FAR2: variants seen among roughly 807,000 people sequenced by gnomAD.
The protein encoded by FAR2 is epididymis secretory protein Li 81.
FAR2 carries 19 observed loss-of-function variants against 56.0 expected under a neutral mutation model. The observed-to-expected ratio is 0.34, with a 90% CI of 0.24 to 0.50. The LOEUF (loss-of-function observed/expected upper bound fraction) is 0.50. Among genes scored for constraint, FAR2 ranks in the 20% least tolerant of loss-of-function variants. The pLI is 0.98. For synonymous variants in FAR2, 219 were observed against 218.8 expected, an observed-to-expected ratio of 1.00 and a Z score of -0.01; for missense variants, 508 against 642.2, an observed-to-expected ratio of 0.79 and a Z score of 2.26.
chr12:29,223,404 C>A (rs1199257126), intron 1 of FAR2, among the ~76,000 whole-genome samples: 1 of 152,194 alleles, frequency 6.6e-6, no homozygotes, highest in Non-Finnish European at 1.5e-5. Flanking sequence ...TCATATTCTT[C>A]ATCTTCAGCA....
At chr12:29,326,041 T>C (rs1443099279) in intron 10 of FAR2, among the ~76,000 whole-genome samples, 4 of 151,914 alleles carry the variant, frequency 2.6e-5, no homozygotes, top group East Asian at 1.9e-4. Flanking sequence ...AAGAATCAAA[T>C]AGACGCAATA....
intron 1 of FAR2, among the ~76,000 whole-genome samples, chr12:29,239,935 A>C (rs192261463): frequency 1.4e-4 from 21 of 152,278 alleles, no homozygotes; most frequent in Admixed American, 1.2e-3. Context: ...CCCCTATATT[A>C]GTCCTTTTCA....
At chr12:29,240,141 A>T (rs1948003985) in intron 1 of FAR2, among the ~76,000 whole-genome samples, 1 of 152,204 alleles carries the variant, frequency 6.6e-6, no homozygotes, top group Non-Finnish European at 1.5e-5. Context: ...GGCTCATAAG[A>T]TTCACTTACC....
chr12:29,241,394 ATCT>A (rs761446415), intron 1 of FAR2, among the ~76,000 whole-genome samples: 5 of 151,878 alleles, frequency 3.3e-5, no homozygotes, highest in Non-Finnish European at 5.9e-5. Flanking sequence ...ATTTAGATTG[ATCT>A]TCTTTATTTA....
intron 1 of FAR2, among the ~76,000 whole-genome samples, chr12:29,159,113 A>G (rs1228042830): frequency 6.6e-6 from 1 of 152,130 alleles, no homozygotes; most frequent in Non-Finnish European, 1.5e-5. Context: ...AGTTTGTGCA[A>G]TTTTTCAGTA....
At chr12:29,198,719 A>G (rs1217030158) in intron 1 of FAR2, among the ~76,000 whole-genome samples, 1 of 152,128 alleles carries the variant, frequency 6.6e-6, no homozygotes, top group Non-Finnish European at 1.5e-5. Flanking sequence ...TCAACTCTAT[A>G]TTTCTACCTA....
At chr12:29,260,140 G>T (rs1220518070) in intron 1 of FAR2, among the ~76,000 whole-genome samples, 2 of 152,126 alleles carry the variant, frequency 1.3e-5, no homozygotes, top group Non-Finnish European at 2.9e-5. Context: ...TAACAAAGTT[G>T]TAACATATGA....
intron 4 of FAR2, among the ~76,000 whole-genome samples, chr12:29,303,616 C>T (rs1488828896): frequency 5.3e-5 from 8 of 152,174 alleles, no homozygotes; most frequent in Non-Finnish European, 1.0e-4. Context: ...GCCCTTATCA[C>T]AGTCCTCTGG....
Position 29,194,431 on chromosome 12 carries a change from A to C in FAR2, c.-39+45024A>C, listed in dbSNP as rs183131106. ...CTGCATTCCATGAGACCCACTTTCT[A>C]AGATCATGTTGACTGGGTATTGTGG... On this transcript the variant is annotated intron_variant, in intron 1 of 11. Transcript: ENST00000536681. Among the ~76,000 whole-genome samples, 48 of 151,806 alleles carry C rather than the reference A, an allele frequency of 3.2e-4. No homozygotes were observed. The East Asian group carries it at 8.9e-3, about 28-fold the overall frequency.
At chr12:29,256,820 GCAGTGC>G (rs1948326254) in intron 1 of FAR2, among the ~76,000 whole-genome samples, 1 of 152,238 alleles carries the variant, frequency 6.6e-6, no homozygotes, top group South Asian at 2.1e-4. Context: ...GGGTCCCCCA[GCAGTGC>G]CAGCCCAACG....
In FAR2 at chr12:29,175,444, G is replaced by T. The variant is rs181343340; in HGVS notation, c.-39+26037G>T. Among the ~76,000 whole-genome samples, 47 of 152,344 alleles carry T rather than the reference G, an allele frequency of 3.1e-4. 1 individual carries two copies. Among genetic ancestry groups the T allele is most frequent in the Admixed American group, 2.9e-3 (45 of 15,306 alleles). On this transcript the variant is annotated intron_variant, in intron 1 of 11. Coordinates refer to ENST00000536681, the MANE Select transcript of FAR2 (RefSeq NM_001271783.2). ...GCAAGTGTTACAGCTCTTAAAGGTG[G>T]TGTGGACCCAAAGAGTGAGCAGCAG...
Position 29,214,831 on chromosome 12 carries a change from GATAATA to G in FAR2, c.-38-55566_-38-55561del, listed in dbSNP as rs112736046. ...GAGAAACTCCATCTGAAAATAAAAT[GATAATA>G]ATAATAATAATAATTAAAAAAATAA... On this transcript the variant is annotated intron_variant, in intron 1 of 11. Transcript: ENST00000536681. Among the ~76,000 whole-genome samples the G allele has an allele frequency of 3.2e-3, 481 of 149,956 alleles. 2 individuals are homozygous for G. Among genetic ancestry groups the G allele is most frequent in the South Asian group, 8.0e-3 (38 of 4,754 alleles).
intron 1 of FAR2, among the ~76,000 whole-genome samples, chr12:29,261,099 A>G (rs1411373065): frequency 6.6e-6 from 1 of 152,264 alleles, no homozygotes; most frequent in Non-Finnish European, 1.5e-5. Flanking sequence ...CAGATACCAA[A>G]GAACATCCAC....
chr12:29,189,915 T>C (rs539382241), intron 1 of FAR2, among the ~76,000 whole-genome samples: 61 of 152,294 alleles, frequency 4.0e-4, no homozygotes, highest in Non-Finnish European at 7.6e-4. Flanking sequence ...ATGGAGCTGA[T>C]TCCAGACAGA....
At chr12:29,208,991 A>G (rs1434320912) in intron 1 of FAR2, among the ~76,000 whole-genome samples, 1 of 152,096 alleles carries the variant, frequency 6.6e-6, no homozygotes, top group Admixed American at 6.6e-5. Context: ...CACACAGACT[A>G]CTCAAAAGGG....
intron 1 of FAR2, among the ~76,000 whole-genome samples, chr12:29,209,067 G>A (rs1234585476): frequency 2.0e-5 from 3 of 149,304 alleles, no homozygotes; most frequent in African/African-American, 7.4e-5. Context: ...AGGTAATTCA[G>A]ACCTGAACTA....
chr12:29,320,058 G>A (rs1318757155), intron 9 of FAR2, among the ~76,000 whole-genome samples: 6 of 152,050 alleles, frequency 3.9e-5, no homozygotes, highest in African/African-American at 1.4e-4. Context: ...ATTTAAAAAC[G>A]TTGTCCAGGC....
At chr12:29,309,486 A>G (rs1024561406) in intron 6 of FAR2, among the ~76,000 whole-genome samples, 6 of 152,180 alleles carry the variant, frequency 3.9e-5, no homozygotes, top group African/African-American at 1.4e-4. Context: ...GTCTTTGAGC[A>G]TCAAGGACTT....
At chr12:29,244,876 A>G (rs1395769993) in intron 1 of FAR2, among the ~76,000 whole-genome samples, 1 of 152,204 alleles carries the variant, frequency 6.6e-6, no homozygotes, top group South Asian at 2.1e-4. Context: ...ATCAAATATG[A>G]TAAGAGTTTA....
Sources: allele counts gnomAD v4.1 joint callset (sites outside exome capture counted in the v4.1 genomes callset), GRCh38; gene constraint gnomAD v4.1.1; transcripts MANE v1.5; gene names NCBI Gene and HGNC (gene_info 2026-07-23, HGNC 2026-07-21).